IMMP2L: variants seen among roughly 807,000 people sequenced by gnomAD.
The protein encoded by IMMP2L is inner mitochondrial membrane peptidase subunit 2.
In IMMP2L, 18 loss-of-function variants were observed where a neutral mutation model predicts 19.3. That is an observed-to-expected ratio of 0.93 (90% CI 0.64 to 1.38). IMMP2L has a LOEUF of 1.38. IMMP2L is among the 40% of genes most tolerant of loss of function. The pLI, the probability that IMMP2L is intolerant of heterozygous loss-of-function variation, is 0.00. For missense variants in IMMP2L, 233 were observed against 218.2 expected (o/e 1.07, Z -0.43); for synonymous variants, 76 against 73.0 (o/e 1.04, Z -0.21).
At chr7:111,495,481 T>G (rs1057421650) in intron 2 of IMMP2L, among the ~76,000 whole-genome samples, 3 of 152,192 alleles carry the variant, frequency 2.0e-5, no homozygotes, top group African/African-American at 7.2e-5. Flanking sequence ...TAATCTTTTC[T>G]CTGATCAAAG....
At chr7:110,861,069 TTGTGTGTGTG>T (rs754363475) in intron 5 of IMMP2L, among the ~76,000 whole-genome samples, 3 of 129,030 alleles carry the variant, frequency 2.3e-5, no homozygotes, top group Non-Finnish European at 4.9e-5. Flanking sequence ...CACCAGCAGT[TTGTGTGTGTG>T]TGTGTGTGTG....
intron 3 of IMMP2L, among the ~76,000 whole-genome samples, chr7:111,382,491 T>C (rs1191280094): frequency 6.6e-6 from 1 of 152,064 alleles, no homozygotes; most frequent in Non-Finnish European, 1.5e-5. Context: ...AAAGACCAAG[T>C]ATAAACAACT....
chr7:110,987,972 T>C (rs1822034361), intron 3 of IMMP2L, among the ~76,000 whole-genome samples: 1 of 151,946 alleles, frequency 6.6e-6, no homozygotes, highest in South Asian at 2.1e-4. Flanking sequence ...TCTAGATCAG[T>C]GAAAGAGAGA....
At chr7:111,539,004 C>T (rs1848160475) in intron 1 of IMMP2L, among the ~76,000 whole-genome samples, 1 of 150,958 alleles carries the variant, frequency 6.6e-6, no homozygotes, top group Non-Finnish European at 1.5e-5. Flanking sequence ...CCTGTAGTCC[C>T]AGCTACTCGG....
intron 5 of IMMP2L, among the ~76,000 whole-genome samples, chr7:110,730,914 C>A (rs190480691): frequency 1.9e-3 from 288 of 152,262 alleles, no homozygotes; most frequent in Non-Finnish European, 3.4e-3. Flanking sequence ...TTAATAAACT[C>A]CCCTTTAAAT....
intron 3 of IMMP2L, among the ~76,000 whole-genome samples, chr7:111,156,309 G>T (rs1182188609): frequency 6.6e-6 from 1 of 151,978 alleles, no homozygotes; most frequent in African/African-American, 2.4e-5. Context: ...AACTTACATT[G>T]CCATCAGCAC....
chr7:111,155,693 C>G (rs1804566741), intron 3 of IMMP2L, among the ~76,000 whole-genome samples: 1 of 151,758 alleles, frequency 6.6e-6, no homozygotes, highest in Non-Finnish European at 1.5e-5. Context: ...TATACACACA[C>G]ACAGACAGTC....
intron 3 of IMMP2L, among the ~76,000 whole-genome samples, chr7:110,990,650 T>C (rs1463179311): frequency 6.6e-6 from 1 of 152,202 alleles, no homozygotes. Flanking sequence ...ATCCAACCCT[T>C]CATTATCTGG....
intron 3 of IMMP2L, among the ~76,000 whole-genome samples, chr7:111,007,043 GAC>G: frequency 6.6e-6 from 1 of 152,146 alleles, no homozygotes; most frequent in East Asian, 1.9e-4. Context: ...ATTTCCCTGA[GAC>G]TGAGTAATTT....
chr7:111,451,409 G>C (rs1490717902), intron 3 of IMMP2L, among the ~76,000 whole-genome samples: 1 of 150,434 alleles, frequency 6.6e-6, no homozygotes, highest in South Asian at 2.1e-4. Flanking sequence ...CATGTCCTTT[G>C]TAGGGACATG....
chr7:111,194,068 T>A (rs1267187506), intron 3 of IMMP2L, among the ~76,000 whole-genome samples: 1 of 152,166 alleles, frequency 6.6e-6, no homozygotes, highest in Non-Finnish European at 1.5e-5. Context: ...AGTGATACCA[T>A]GGCCTGGTCA....
intron 5 of IMMP2L, among the ~76,000 whole-genome samples, chr7:110,835,107 T>C (rs1804318958): frequency 6.6e-6 from 1 of 152,128 alleles, no homozygotes; most frequent in African/African-American, 2.4e-5. Flanking sequence ...GGAATAAGTA[T>C]GTAAAACAGG....
chr7:111,423,114 G>T (rs1293807418), intron 3 of IMMP2L, among the ~76,000 whole-genome samples: 1 of 151,826 alleles, frequency 6.6e-6, no homozygotes, highest in East Asian at 1.9e-4. Flanking sequence ...GCTGGATTTG[G>T]TTTGCCAGTA....
intron 3 of IMMP2L, among the ~76,000 whole-genome samples, chr7:111,434,806 G>C: frequency 6.6e-6 from 1 of 151,686 alleles, no homozygotes; most frequent in Admixed American, 6.6e-5. Context: ...CACCCGCCTC[G>C]GCCTCCCAAA....
chr7:111,277,507 G>A (rs1277354138), intron 3 of IMMP2L, among the ~76,000 whole-genome samples: 1 of 150,830 alleles, frequency 6.6e-6, no homozygotes, highest in Non-Finnish European at 1.5e-5. Flanking sequence ...GGAGGTTGCA[G>A]TGAGCCGAGA....
At chr7:110,829,061 A>G (rs1388155234) in intron 5 of IMMP2L, among the ~76,000 whole-genome samples, 1 of 152,172 alleles carries the variant, frequency 6.6e-6, no homozygotes, top group Non-Finnish European at 1.5e-5. Context: ...ATATCCTTGT[A>G]TATCACATTG....
At chr7:111,413,891 TCTC>T (rs1318078456) in intron 3 of IMMP2L, among the ~76,000 whole-genome samples, 1 of 151,666 alleles carries the variant, frequency 6.6e-6, no homozygotes, top group Non-Finnish European at 1.5e-5. Context: ...TATGCTTTGT[TCTC>T]CTGTTTTTCT....
rs144001447 is a variant in IMMP2L, at chr7:111,026,013, A to AAC, written c.240-62450_240-62449dup. On this transcript the variant is annotated intron_variant, in intron 3 of 5. Coordinates refer to ENST00000405709, the MANE Select transcript of IMMP2L (RefSeq NM_032549.4). ...CTGATAGATCCTTTTGCTAATATTAAACACACACACACACACACACACACA... is the reference window on the plus strand; with the variant it reads ...CTGATAGATCCTTTTGCTAATATTAAACACACACACACACACACACACACACA... Among the ~76,000 whole-genome samples, 1,210 of 148,606 alleles carry AAC rather than the reference A, an allele frequency of 8.1e-3. 30 individuals are homozygous for AAC. Among genetic ancestry groups the AAC allele is most frequent in the Admixed American group, 0.046 (675 of 14,828 alleles).
intron 3 of IMMP2L, among the ~76,000 whole-genome samples, chr7:111,191,883 T>C (rs1808918182): frequency 6.6e-6 from 1 of 152,050 alleles, no homozygotes; most frequent in Non-Finnish European, 1.5e-5. Context: ...GCTACTTGGT[T>C]CCATTTCTAC....
Sources: allele counts gnomAD v4.1 joint callset (sites outside exome capture counted in the v4.1 genomes callset), GRCh38; gene constraint gnomAD v4.1.1; transcripts MANE v1.5; gene names NCBI Gene and HGNC (gene_info 2026-07-23, HGNC 2026-07-21).